SLC35D4: variants seen among roughly 807,000 people sequenced by gnomAD.
SLC35D4 encodes UDP-N-acetylglucosamine transporter SLC35D4.
the SLC35D4 span, among the ~76,000 whole-genome samples, chr18:23,408,170 CACACACACA>C: frequency 3.2e-4 from 49 of 152,152 alleles, no homozygotes; most frequent in African/African-American, 1.1e-3. Flanking sequence ...CACACACACA[CACACACACA>C]CCCCTAACCT....
the SLC35D4 span, among the ~76,000 whole-genome samples, chr18:23,415,288 T>C: frequency 2.0e-5 from 3 of 152,138 alleles, no homozygotes; most frequent in Admixed American, 6.6e-5. Context: ...TGGGCTTCTG[T>C]TTCATCTCAT....
the SLC35D4 span, among the ~76,000 whole-genome samples, chr18:23,279,004 C>T: frequency 6.8e-6 from 1 of 146,136 alleles, no homozygotes; most frequent in Non-Finnish European, 1.5e-5. Context: ...CAGAGCAAGA[C>T]CCCATCTCAA....
At chr18:23,402,981 C>T in the SLC35D4 span, among the ~76,000 whole-genome samples, 1 of 151,982 alleles carries the variant, frequency 6.6e-6, no homozygotes, top group Non-Finnish European at 1.5e-5. Flanking sequence ...TGGTGGGTGC[C>T]TATAGTCCCA....
the SLC35D4 span, chr18:23,258,660 T>A: frequency 6.6e-6 from 1 of 152,378 alleles, no homozygotes; most frequent in South Asian, 2.1e-4. Context: ...TGTATACCTG[T>A]ATGCGTTTGT....
At chr18:23,323,844 C>T in the SLC35D4 span, among the ~76,000 whole-genome samples, 3 of 151,922 alleles carry the variant, frequency 2.0e-5, no homozygotes, top group African/African-American at 7.3e-5. Context: ...TTTGGGAGGC[C>T]GAGGCGGGTG....
chr18:23,358,965 G>A, the SLC35D4 span, among the ~76,000 whole-genome samples: 1 of 152,208 alleles, frequency 6.6e-6, no homozygotes, highest in Admixed American at 6.5e-5. Flanking sequence ...CCCCGGAAGA[G>A]GTTGCAGCGT....
At chr18:23,275,580 C>A in the SLC35D4 span, among the ~76,000 whole-genome samples, 1 of 148,536 alleles carries the variant, frequency 6.7e-6, no homozygotes, top group Non-Finnish European at 1.5e-5. Context: ...TCTTCAGGAG[C>A]TGGGTCAGAA....
chr18:23,248,747 C>A, the SLC35D4 span, among the ~76,000 whole-genome samples: 8 of 152,116 alleles, frequency 5.3e-5, no homozygotes, highest in Non-Finnish European at 1.2e-4. Flanking sequence ...ATCGCTTGAA[C>A]CCAGGAGGCA....
chr18:23,302,803 A>C, the SLC35D4 span, among the ~76,000 whole-genome samples: 1 of 152,148 alleles, frequency 6.6e-6, no homozygotes, highest in Non-Finnish European at 1.5e-5. Flanking sequence ...TGGATTGGAG[A>C]CCACACGCCA....
the SLC35D4 span, among the ~76,000 whole-genome samples, chr18:23,342,887 G>T: frequency 6.6e-6 from 1 of 151,716 alleles, no homozygotes; most frequent in Non-Finnish European, 1.5e-5. Context: ...ATCTGTTCAT[G>T]TGTTTAGATC....
the SLC35D4 span, among the ~76,000 whole-genome samples, chr18:23,330,241 A>C: frequency 6.6e-6 from 1 of 152,164 alleles, no homozygotes; most frequent in African/African-American, 2.4e-5. Context: ...GAACAATCCC[A>C]TTTCTGTAAA....
the SLC35D4 span, among the ~76,000 whole-genome samples, chr18:23,378,203 T>C: frequency 0.025 from 3,773 of 151,808 alleles, 58 homozygotes; most frequent in Non-Finnish European, 0.034. Flanking sequence ...TTCTTTCTTT[T>C]TTTTTTTTTC....
chr18:23,334,959 C>T, the SLC35D4 span, among the ~76,000 whole-genome samples: 8 of 151,696 alleles, frequency 5.3e-5, no homozygotes, highest in Admixed American at 3.3e-4. Flanking sequence ...GAGCTGAGAT[C>T]GCGCCACTGC....
chr18:23,415,430 C>T, the SLC35D4 span, among the ~76,000 whole-genome samples: 1 of 152,286 alleles, frequency 6.6e-6, no homozygotes, highest in South Asian at 2.1e-4. Flanking sequence ...TTAAAAATTA[C>T]TTTCAAAGTG....
At chr18:23,339,210 T>C in the SLC35D4 span, among the ~76,000 whole-genome samples, 1 of 152,200 alleles carries the variant, frequency 6.6e-6, no homozygotes, top group Non-Finnish European at 1.5e-5. Context: ...AAATTCTGAC[T>C]GTCCAAACAA....
the SLC35D4 span, chr18:23,331,665 A>G: frequency 6.5e-6 from 1 of 153,390 alleles, no homozygotes; most frequent in Non-Finnish European, 1.5e-5. Context: ...GCACCCACAC[A>G]GCTGCCACCT....
the SLC35D4 span, among the ~76,000 whole-genome samples, chr18:23,307,277 C>A: frequency 6.6e-6 from 1 of 152,090 alleles, no homozygotes; most frequent in Admixed American, 6.5e-5. Context: ...AAAATACATA[C>A]ATATATATTC....
chr18:23,316,896 G>A, the SLC35D4 span, among the ~76,000 whole-genome samples: 4 of 152,138 alleles, frequency 2.6e-5, no homozygotes, highest in Non-Finnish European at 4.4e-5. Context: ...AAAATCTCAC[G>A]TGATCCCTAC....
At chr18:23,428,383 A>T in the SLC35D4 span, among the ~76,000 whole-genome samples, 3 of 152,208 alleles carry the variant, frequency 2.0e-5, no homozygotes, top group Non-Finnish European at 2.9e-5. Flanking sequence ...AGAGAATCAC[A>T]GTTTGAGTAC....
Sources: gnomAD v4.1 joint callset for allele counts (sites outside exome capture counted in the v4.1 genomes callset) on GRCh38, gnomAD v4.1.1 for gene constraint, MANE v1.5 for transcripts, NCBI Gene and HGNC (gene_info 2026-07-23, HGNC 2026-07-21) for gene names.